The following ADARB1 variants were observed in gnomAD, a reference collection of about 807,000 sequenced individuals.
ADARB1 encodes double-stranded RNA-specific editase 1.
Under a neutral mutation model 52.4 loss-of-function variants are expected in ADARB1, and 10 were observed. The ratio of observed to expected loss-of-function variants is 0.19; its 90% CI spans 0.12 to 0.32. The LOEUF (loss-of-function observed/expected upper bound fraction) is 0.32, where lower values mean the gene tolerates loss of function less well. Ranked by LOEUF, ADARB1 falls within the 10% of genes least tolerant of loss-of-function variation. The pLI is 1.00. For missense variants in ADARB1, 643 were observed against 922.3 expected (o/e 0.70, Z 3.92); for synonymous variants, 349 against 371.1 (o/e 0.94, Z 0.68).
chr21:45,096,605 C>A (rs2086771347), intron 1 of ADARB1, among the ~76,000 whole-genome samples: 2 of 152,182 alleles, frequency 1.3e-5, no homozygotes, highest in African/African-American at 4.8e-5. Flanking sequence ...CTCTTGTCCC[C>A]ATGTACTTCC....
intron 8 of ADARB1, among the ~76,000 whole-genome samples, chr21:45,187,408 A>G (rs931041612): frequency 7.9e-5 from 12 of 152,272 alleles, no homozygotes; most frequent in African/African-American, 2.9e-4. Context: ...AAACAGTTTT[A>G]TGGAATCTTT....
chr21:45,156,060 C>T (rs116988184), intron 2 of ADARB1, among the ~76,000 whole-genome samples: 2 of 112,474 alleles, frequency 1.8e-5, no homozygotes, highest in African/African-American at 7.5e-5. Context: ...CCCACCATCA[C>T]CCATCATCCA....
At chr21:45,097,594 A>C (rs1403242832) in intron 1 of ADARB1, among the ~76,000 whole-genome samples, 2 of 150,598 alleles carry the variant, frequency 1.3e-5, no homozygotes, top group Non-Finnish European at 3.0e-5. Context: ...GCTGGTGGGG[A>C]CTTCAGACAC....
At chr21:45,090,841 C>T (rs2086535114) in intron 1 of ADARB1, among the ~76,000 whole-genome samples, 1 of 152,214 alleles carries the variant, frequency 6.6e-6, no homozygotes, top group Non-Finnish European at 1.5e-5. Context: ...GTTTTCCCCC[C>T]AAGAACTGCC....
intron 1 of ADARB1, among the ~76,000 whole-genome samples, chr21:45,107,467 A>G (rs2087309832): frequency 6.6e-6 from 1 of 152,224 alleles, no homozygotes; most frequent in African/African-American, 2.4e-5. Context: ...ACATACTACA[A>G]AGGCTATATG....
At chr21:45,154,062 G>A (rs2090437542) in intron 2 of ADARB1, among the ~76,000 whole-genome samples, 1 of 152,208 alleles carries the variant, frequency 6.6e-6, no homozygotes, top group Non-Finnish European at 1.5e-5. Context: ...AGAAGTACAA[G>A]AATAATTCTG....
chr21:45,199,385 G>A (rs1312393275), intron 8 of ADARB1, among the ~76,000 whole-genome samples: 1 of 152,200 alleles, frequency 6.6e-6, no homozygotes, highest in East Asian at 1.9e-4. Context: ...GGGTGGCCGG[G>A]CTTACACACT....
chr21:45,190,927 A>C (rs6518216), intron 8 of ADARB1, among the ~76,000 whole-genome samples: 25,448 of 152,214 alleles, frequency 0.17, 3,164 homozygotes, highest in African/African-American at 0.35. Flanking sequence ...GGGAAAGGGG[A>C]ACAAACAGGC....
At chr21:45,139,207 C>T (rs1448203777) in intron 2 of ADARB1, among the ~76,000 whole-genome samples, 4 of 152,198 alleles carry the variant, frequency 2.6e-5, no homozygotes, top group African/African-American at 7.2e-5. Flanking sequence ...AGGCGTGAGT[C>T]ACTGCTCCCA....
At chr21:45,089,943 G>A (rs1237690758) in intron 1 of ADARB1, among the ~76,000 whole-genome samples, 3 of 152,136 alleles carry the variant, frequency 2.0e-5, no homozygotes, top group Non-Finnish European at 4.4e-5. Flanking sequence ...TTCTGGTACT[G>A]TGCTGAGTGT....
chr21:45,129,751 C>T (rs1016484253), intron 2 of ADARB1, among the ~76,000 whole-genome samples: 1 of 152,032 alleles, frequency 6.6e-6, no homozygotes, highest in Non-Finnish European at 1.5e-5. Context: ...AGGGCGTGAG[C>T]GTGGATGGAT....
chr21:45,112,178 G>C (rs1178028512), intron 1 of ADARB1, among the ~76,000 whole-genome samples: 7 of 152,214 alleles, frequency 4.6e-5, no homozygotes, highest in Non-Finnish European at 1.0e-4. Flanking sequence ...CAGGGAAGGA[G>C]CAGGTATGGG....
chr21:45,192,600 G>T (rs575579248), intron 8 of ADARB1, among the ~76,000 whole-genome samples: 3 of 152,280 alleles, frequency 2.0e-5, no homozygotes, highest in Non-Finnish European at 4.4e-5. Context: ...ATAAGAAGCT[G>T]CCCCTCCGTG....
rs1282173791 is a variant in ADARB1, at chr21:45,139,937, T to C, written c.-48+11364T>C. On this transcript the variant is annotated intron_variant, in intron 2 of 10. Transcript: ENST00000348831. ...AAATGTACAGACAATAAAACTCTTT[T>C]TTTTTTTTTTTTTTTTTTTTTTTGA... Among the ~76,000 whole-genome samples, 21 of 83,280 alleles carry C rather than the reference T, an allele frequency of 2.5e-4. No individual in the cohort carries two copies. The East Asian group carries it at 3.2e-3, about 13-fold the overall frequency. 54.6% of individuals were successfully genotyped at this position (83,280 alleles called of 152,430 possible).
At position 45,221,050 on chromosome 21, in the gene ADARB1, A is replaced by G; in HGVS notation, c.1926+36A>G. On this transcript the variant is annotated intron_variant, in intron 10 of 10. Coordinates refer to ENST00000348831, the MANE Select transcript of ADARB1 (RefSeq NM_001112.4). The surrounding 1 kb of genome is among the most constrained non-coding windows in gnomAD (Gnocchi z 4.9). ...GCCCTCACCGCAATGCGCCGGCTCC[A>G]CCTCCCCAATAGCTTGTCTGTCCTC... 6.4e-7 allele frequency: 1 copy of G among 1,568,136 alleles called. No individual in the cohort carries two copies. The highest frequency in any genetic ancestry group is 8.7e-7 in the Non-Finnish European group (1 of 1,154,410).
At chr21:45,129,468 T>G (rs1486127276) in intron 2 of ADARB1, among the ~76,000 whole-genome samples, 3 of 152,212 alleles carry the variant, frequency 2.0e-5, no homozygotes, top group Non-Finnish European at 4.4e-5. Context: ...GTCAGAGGGC[T>G]GCTGCTGGCT....
chr21:45,146,284 T>C (rs552174900), intron 2 of ADARB1: 82 of 152,370 alleles, frequency 5.4e-4, no homozygotes, highest in Middle Eastern at 3.4e-3. Flanking sequence ...GAATATACTT[T>C]TCTGAATTAT....
chr21:45,114,886 G>T lies in ADARB1; in HGVS notation c.-219-13516G>T, dbSNP rs114300169. On this transcript the variant is annotated intron_variant, in intron 1 of 10. Coordinates refer to ENST00000348831, the MANE Select transcript of ADARB1 (RefSeq NM_001112.4). The stretch of plus-strand genomic sequence containing the variant: ...TCAGAGCCAGGGGGCTGCATTGCTG[G>T]ATCTTCAAGCAGGCAAACTGCCAAC... 4.2e-3 allele frequency among the ~76,000 whole-genome samples: 636 copies of T among 152,342 alleles called. 4 individuals are homozygous for T. The highest frequency in any genetic ancestry group is 0.014 in the African/African-American group (602 of 41,578).
At chr21:45,160,819 T>C (rs2090925127) in intron 2 of ADARB1, among the ~76,000 whole-genome samples, 1 of 152,252 alleles carries the variant, frequency 6.6e-6, no homozygotes, top group Non-Finnish European at 1.5e-5. Context: ...TGTGTTATTA[T>C]CCTATTTTCT....
Sources: allele counts gnomAD v4.1 joint callset (sites outside exome capture counted in the v4.1 genomes callset), GRCh38; gene constraint gnomAD v4.1.1; non-coding constraint Gnocchi (gnomAD v3.1); transcripts MANE v1.5; gene names NCBI Gene and HGNC (gene_info 2026-07-23, HGNC 2026-07-21).